The following MDFIC2 variants were observed in gnomAD, a reference collection of about 807,000 sequenced individuals.
MDFIC2 encodes MyoD family inhibitor domain containing 2, also known as myoD family inhibitor domain-containing protein 2.
chr3:70,266,748 T>C (rs2106666810), intron 2 of MDFIC2, among the ~76,000 whole-genome samples: 1 of 152,328 alleles, frequency 6.6e-6, no homozygotes, highest in Non-Finnish European at 1.5e-5. Context: ...ACCTGGCTTA[T>C]ACTTTTCTTT....
At chr3:70,240,647 A>T (rs182251549) in intron 2 of MDFIC2, among the ~76,000 whole-genome samples, 1 of 152,194 alleles carries the variant, frequency 6.6e-6, no homozygotes, top group Admixed American at 6.5e-5. Flanking sequence ...ATAAGTACTT[A>T]ATTTGTTTAT....
chr3:70,296,510 TA>T (rs1204785162), intron 2 of MDFIC2, among the ~76,000 whole-genome samples: 2 of 152,038 alleles, frequency 1.3e-5, no homozygotes, highest in Non-Finnish European at 2.9e-5. Flanking sequence ...TAAGATAATT[TA>T]AAAAAAATCA....
At chr3:70,291,635 T>A (rs553951687) in intron 2 of MDFIC2, among the ~76,000 whole-genome samples, 179 of 152,280 alleles carry the variant, frequency 1.2e-3, no homozygotes, top group Non-Finnish European at 2.0e-3. Context: ...TGGCTGTCAC[T>A]TTCCCCTGTG....
At chr3:70,238,192 A>G (rs1701631374) in intron 2 of MDFIC2, among the ~76,000 whole-genome samples, 1 of 151,682 alleles carries the variant, frequency 6.6e-6, no homozygotes, top group Non-Finnish European at 1.5e-5. Context: ...CATAGCACCA[A>G]TCCAGGCGTT....
At chr3:70,207,973 C>T (rs756000193) in intron 2 of MDFIC2, among the ~76,000 whole-genome samples, 15 of 151,944 alleles carry the variant, frequency 9.9e-5, no homozygotes, top group Admixed American at 2.6e-4. Flanking sequence ...CTAAGACAGG[C>T]GTGGACCTTG....
chr3:70,222,001 T>A (rs1701464558), intron 2 of MDFIC2, among the ~76,000 whole-genome samples: 2 of 152,138 alleles, frequency 1.3e-5, no homozygotes, highest in Admixed American at 6.6e-5. Context: ...TAGAAAAATG[T>A]CAAGTGTTCC....
At chr3:70,260,129 C>T (rs1394984374) in intron 2 of MDFIC2, among the ~76,000 whole-genome samples, 1 of 152,182 alleles carries the variant, frequency 6.6e-6, no homozygotes, top group African/African-American at 2.4e-5. Context: ...AGGCTAGAAT[C>T]TGAAATCAAG....
chr3:70,201,077 G>T (rs1293764633), intron 3 of MDFIC2, among the ~76,000 whole-genome samples: 2 of 151,596 alleles, frequency 1.3e-5, no homozygotes, highest in Non-Finnish European at 1.5e-5. Flanking sequence ...AAGTTCAGGG[G>T]TCATGTGCTG....
intron 2 of MDFIC2, among the ~76,000 whole-genome samples, chr3:70,208,784 T>G (rs1249569441): frequency 6.6e-6 from 1 of 152,076 alleles, no homozygotes; most frequent in Non-Finnish European, 1.5e-5. Context: ...CACAACTGTC[T>G]TAGGTCATTT....
chr3:70,306,529 G>T (rs1402483666), intron 2 of MDFIC2, among the ~76,000 whole-genome samples: 1 of 152,136 alleles, frequency 6.6e-6, no homozygotes, highest in East Asian at 1.9e-4. Context: ...TTCCTTCCTG[G>T]CATGGATGGA....
At chr3:70,305,251 A>G (rs945442520) in intron 2 of MDFIC2, among the ~76,000 whole-genome samples, 4 of 152,182 alleles carry the variant, frequency 2.6e-5, no homozygotes, top group African/African-American at 9.7e-5. Flanking sequence ...GCTTAAAAAC[A>G]AAACTACTTT....
At chr3:70,311,776 C>T (rs1298166332) in intron 2 of MDFIC2, 110 bp downstream of exon 2, 3 of 388,288 alleles carry the variant, frequency 7.7e-6, no homozygotes, top group Non-Finnish European at 1.4e-5. Flanking sequence ...ATCAGAAGTA[C>T]TACTATTTGA....
chr3:70,294,178 A>G (rs544737913), intron 2 of MDFIC2, among the ~76,000 whole-genome samples: 1 of 152,332 alleles, frequency 6.6e-6, no homozygotes, highest in South Asian at 2.1e-4. Context: ...ACTAGTGTAT[A>G]GAAATTTACA....
intron 2 of MDFIC2, among the ~76,000 whole-genome samples, chr3:70,217,322 C>T (rs1701422157): frequency 6.6e-6 from 1 of 152,170 alleles, no homozygotes; most frequent in East Asian, 1.9e-4. Flanking sequence ...TTGAAATAAG[C>T]ATTGTTGTCA....
At chr3:70,204,011 G>A (rs942855909) in intron 3 of MDFIC2, among the ~76,000 whole-genome samples, 8 of 152,152 alleles carry the variant, frequency 5.3e-5, no homozygotes, top group East Asian at 1.9e-4. Context: ...GTGATGTGCA[G>A]TAAAGATCCT....
At chr3:70,303,823 A>G (rs1684077417) in intron 2 of MDFIC2, among the ~76,000 whole-genome samples, 1 of 152,062 alleles carries the variant, frequency 6.6e-6, no homozygotes, top group African/African-American at 2.4e-5. Context: ...CTGGAATTAC[A>G]GGCATGTGCC....
intron 2 of MDFIC2, among the ~76,000 whole-genome samples, chr3:70,261,633 T>C (rs1417321554): frequency 6.6e-6 from 1 of 152,160 alleles, no homozygotes; most frequent in African/African-American, 2.4e-5. Context: ...TTTCAACAAT[T>C]TCTACCATAA....
intron 2 of MDFIC2, among the ~76,000 whole-genome samples, chr3:70,221,231 A>G (rs527877419): frequency 3.0e-4 from 46 of 152,296 alleles, no homozygotes; most frequent in African/African-American, 1.0e-3. Context: ...AGTGCCTGCT[A>G]TAATAATAAA....
chr3:70,233,007 G>A (rs1260887136), intron 2 of MDFIC2, among the ~76,000 whole-genome samples: 2 of 152,130 alleles, frequency 1.3e-5, no homozygotes, highest in Admixed American at 1.3e-4. Flanking sequence ...TGGTTATCAT[G>A]GTGAAATACA....
Sources: gnomAD v4.1 joint callset for allele counts (sites outside exome capture counted in the v4.1 genomes callset) on GRCh38, gnomAD v4.1.1 for gene constraint, MANE v1.5 for transcripts, NCBI Gene and HGNC (gene_info 2026-07-23, HGNC 2026-07-21) for gene names.